Variants in CLN8 observed in about 807,000 individuals in gnomAD.
CLN8 encodes CLN8 transmembrane ER and ERGIC protein.
In CLN8, 14 loss-of-function variants were observed where a neutral mutation model predicts 15.7. The observed-to-expected ratio is 0.89, with a 90% CI of 0.59 to 1.39. The LOEUF is 1.39. CLN8 is among the 40% of genes most tolerant of loss of function. The pLI is 0.00. For missense variants in CLN8, 415 were observed against 364.0 expected, an observed-to-expected ratio of 1.14 and a Z score of -1.14; for synonymous variants, 188 against 151.0, an observed-to-expected ratio of 1.25 and a Z score of -1.80.
At chr8:1,755,231 A>G (rs970622698), upstream of CLN8, among the ~76,000 whole-genome samples, 3 of 152,224 alleles carry the variant, frequency 2.0e-5, no homozygotes, top group South Asian at 6.2e-4. Flanking sequence ...AACCTGACAT[A>G]GACTAACAGA....
intron 2 of CLN8, among the ~76,000 whole-genome samples, chr8:1,776,678 T>C (rs1375396471): frequency 6.6e-6 from 1 of 152,244 alleles, no homozygotes; most frequent in Non-Finnish European, 1.5e-5. Flanking sequence ...CTTGAGTGTC[T>C]TCAGTTTGAT....
chr8:1,785,264 C>G lies in CLN8; in HGVS notation c.*4697C>G, dbSNP rs865843802. On this transcript the variant is annotated 3_prime_UTR_variant, in exon 3 of 3. Coordinates refer to ENST00000331222, the MANE Select transcript of CLN8 (RefSeq NM_018941.4). ...GTGCTCTGTCCTACGGTGACACAGG[C>G]GGCGTGGGGTTAGACAGGTACCGGT... 1.1e-5 allele frequency: 2 copies of G among 183,076 alleles called. No individual in the cohort carries two copies. The highest frequency in any genetic ancestry group is 1.6e-4 in the South Asian group (2 of 12,328). 11.3% of individuals were successfully genotyped at this position (183,076 alleles called of 1,614,324 possible). A position where few individuals can be genotyped will look rare whatever the true frequency, so the allele number is the denominator to read the frequency against.
intron 1 of CLN8, among the ~76,000 whole-genome samples, chr8:1,766,054 T>C (rs1335088640): frequency 6.6e-6 from 1 of 152,166 alleles, no homozygotes; most frequent in Non-Finnish European, 1.5e-5. Flanking sequence ...GTCGAAGGGT[T>C]CCAGTGGCCA....
chr8:1,761,304 C>G (rs1281575245), upstream of CLN8, among the ~76,000 whole-genome samples: 1 of 150,884 alleles, frequency 6.6e-6, no homozygotes, highest in Non-Finnish European at 1.5e-5. Context: ...AATCAATTTC[C>G]CCAAGAATTC....
chr8:1,773,758 C>T (rs1386469944), intron 2 of CLN8: 2 of 152,296 alleles, frequency 1.3e-5, no homozygotes, highest in East Asian at 1.9e-4. Context: ...GCCTGTGCTC[C>T]GCATTGCCTA....
chr8:1,761,790 C>G (rs1800803499), upstream of CLN8, among the ~76,000 whole-genome samples: 1 of 152,224 alleles, frequency 6.6e-6, no homozygotes, highest in Non-Finnish European at 1.5e-5. Context: ...GTTTATCCAT[C>G]TGGATGGTCC....
intron 2 of CLN8, chr8:1,773,579 C>G (rs1321673994): frequency 6.6e-6 from 1 of 152,248 alleles, no homozygotes; most frequent in Non-Finnish European, 1.5e-5. Context: ...CCTGGGACCC[C>G]ATCAGCATCC....
rs909424237 is a variant in CLN8 at position 1,781,291 on chromosome 8, G to A, written c.*724G>A. The A allele has an allele frequency of 1.3e-5, 2 of 151,636 alleles. No individual in the cohort carries two copies. The highest frequency in any genetic ancestry group is 4.9e-5 in the African/African-American group (2 of 41,110). 9.4% of individuals were successfully genotyped at this position (151,636 alleles called of 1,614,324 possible). ...GAGAATTGCCTGAACCCGGGAGGCG[G>A]AGGTTGCAGTGAGCTGAGATCGCAC... On this transcript the variant is annotated 3_prime_UTR_variant, in exon 3 of 3. Coordinates refer to ENST00000331222, the MANE Select transcript of CLN8 (RefSeq NM_018941.4).
intron 2 of CLN8, chr8:1,773,972 A>T (rs1801414697): frequency 6.6e-6 from 1 of 152,250 alleles, no homozygotes; most frequent in Non-Finnish European, 1.5e-5. Flanking sequence ...TATTTTGAGA[A>T]ATAGATTAAT....
upstream of CLN8, chr8:1,760,159 T>G (rs1419543324): frequency 6.6e-6 from 1 of 152,176 alleles, no homozygotes; most frequent in Non-Finnish European, 1.5e-5. Context: ...GTGCACACAT[T>G]GCTAACCTCA....
At chr8:1,769,734 GT>G (rs992404555) in intron 1 of CLN8, among the ~76,000 whole-genome samples, 2 of 152,210 alleles carry the variant, frequency 1.3e-5, no homozygotes, top group African/African-American at 4.8e-5. Flanking sequence ...TTGCAGACAG[GT>G]TCAGGCTTAG....
chr8:1,755,162 G>A (rs1800638890), upstream of CLN8, among the ~76,000 whole-genome samples: 1 of 152,150 alleles, frequency 6.6e-6, no homozygotes. Flanking sequence ...AAGTGAAAAA[G>A]AAGTGACCCT....
In CLN8 at chr8:1,771,147, C is replaced by T. The variant is rs1030962349; in HGVS notation, c.93C>T (p.Gly31=). Residue 31 remains glycine, a synonymous_variant, in exon 2 of 3, where the codon GGC becomes GGT. Transcript: ENST00000331222. ...WGIRSTLMVA[G]FVFYLGVFVV... is the part of the protein sequence containing the mutation. ...TCCGCTCCACGCTGATGGTCGCTGG[C>T]TTTGTCTTCTACTTGGGCGTCTTTG... The T allele has an allele frequency of 1.2e-6, 2 of 1,613,966 alleles. No individual in the cohort carries two copies. Among genetic ancestry groups the T allele is most frequent in the African/African-American group, 2.7e-5 (2 of 74,888 alleles).
At chr8:1,762,416 A>T (rs189588120), upstream of CLN8, 146 of 152,118 alleles carry the variant, frequency 9.6e-4, no homozygotes, top group African/African-American at 3.4e-3. Flanking sequence ...TGGGTTGTTG[A>T]TTTTAAAACG....
intron 1 of CLN8, among the ~76,000 whole-genome samples, chr8:1,765,714 G>C (rs555243401): frequency 1.9e-4 from 29 of 152,348 alleles, no homozygotes; most frequent in African/African-American, 7.0e-4. Flanking sequence ...TAGATAATAA[G>C]ATTGGTGAAT....
intron 2 of CLN8, among the ~76,000 whole-genome samples, chr8:1,779,804 C>T (rs1431607962): frequency 6.6e-6 from 1 of 152,194 alleles, no homozygotes; most frequent in Non-Finnish European, 1.5e-5. Context: ...ACACTAATCT[C>T]ATCATGGGGC....
chr8:1,773,820 AAAT>A (rs1801408472), intron 2 of CLN8: 1 of 152,228 alleles, frequency 6.6e-6, no homozygotes, highest in South Asian at 2.1e-4. Flanking sequence ...CTGTGGCAGA[AAAT>A]AAAGTTCTTG....
chr8:1,775,051 T>C (rs1235414726), intron 2 of CLN8, among the ~76,000 whole-genome samples: 2 of 152,242 alleles, frequency 1.3e-5, no homozygotes, highest in Non-Finnish European at 2.9e-5. Context: ...TATATGTATG[T>C]ATACAGTCGA....
In CLN8 at chr8:1,780,611, C is replaced by G. The variant is rs139429870; in HGVS notation, c.*44C>G. On this transcript the variant is annotated 3_prime_UTR_variant, in exon 3 of 3. Coordinates refer to ENST00000331222, the MANE Select transcript of CLN8 (RefSeq NM_018941.4). ...CGGGGCGGCAGCAGAGCTGGCACAC[C>G]GATTCTGGGAAGCCCCGCGAATGAT... is the stretch of plus-strand genomic sequence containing the variant. 6.3e-7 allele frequency: 1 copy of G among 1,588,558 alleles called. No individual in the cohort carries two copies. Among genetic ancestry groups the G allele is most frequent in the Non-Finnish European group, 8.6e-7 (1 of 1,159,572 alleles).
Sources: allele counts gnomAD v4.1 joint callset (sites outside exome capture counted in the v4.1 genomes callset), GRCh38; gene constraint gnomAD v4.1.1; transcripts MANE v1.5; gene names NCBI Gene and HGNC (gene_info 2026-07-23, HGNC 2026-07-21).